Variants in ENTREP2 observed in about 807,000 individuals in gnomAD.
The protein encoded by ENTREP2 is endosomal transmembrane epsin interactor 2, also known as protein ENTREP2.
the ENTREP2 span, among the ~76,000 whole-genome samples, chr15:29,280,525 G>C: frequency 6.6e-6 from 1 of 152,170 alleles, no homozygotes; most frequent in Non-Finnish European, 1.5e-5. Context: ...AGACAGAATG[G>C]ACTCTGTAAC....
At chr15:29,552,904 T>A in the ENTREP2 span, among the ~76,000 whole-genome samples, 4 of 152,126 alleles carry the variant, frequency 2.6e-5, no homozygotes, top group African/African-American at 7.2e-5. Context: ...CTGAACTAGA[T>A]GTGGGCAGAA....
At chr15:29,434,073 C>T in the ENTREP2 span, among the ~76,000 whole-genome samples, 2 of 152,224 alleles carry the variant, frequency 1.3e-5, no homozygotes, top group African/African-American at 4.8e-5. Flanking sequence ...AACGGATGAC[C>T]AAGGAAATCT....
At chr15:29,597,375 C>T in the ENTREP2 span, among the ~76,000 whole-genome samples, 3 of 151,986 alleles carry the variant, frequency 2.0e-5, no homozygotes, top group East Asian at 3.9e-4. Flanking sequence ...TCGAGACCAG[C>T]CTGGCCAACA....
chr15:29,578,273 A>G, the ENTREP2 span, among the ~76,000 whole-genome samples: 1 of 152,194 alleles, frequency 6.6e-6, no homozygotes, highest in Admixed American at 6.5e-5. Context: ...CTGTTCCTCA[A>G]AAATAAACGT....
chr15:29,241,558 AC>A, the ENTREP2 span, among the ~76,000 whole-genome samples: 1 of 152,218 alleles, frequency 6.6e-6, no homozygotes, highest in African/African-American at 2.4e-5. Flanking sequence ...AGAATCTATT[AC>A]TATTTCATTT....
At chr15:29,479,039 CAAA>C in the ENTREP2 span, among the ~76,000 whole-genome samples, 3 of 102,156 alleles carry the variant, frequency 2.9e-5, no homozygotes, top group Non-Finnish European at 5.9e-5. Context: ...CTAAAAAATA[CAAA>C]AAAAAAAAAA....
At chr15:29,387,811 T>C in the ENTREP2 span, among the ~76,000 whole-genome samples, 1 of 151,894 alleles carries the variant, frequency 6.6e-6, no homozygotes, top group African/African-American at 2.4e-5. Flanking sequence ...TCAGAAATAA[T>C]ACCACACATC....
chr15:29,637,566 G>C, the ENTREP2 span, among the ~76,000 whole-genome samples: 5 of 152,272 alleles, frequency 3.3e-5, no homozygotes, highest in East Asian at 9.7e-4. Flanking sequence ...GAGAGAGTGA[G>C]TGTCCTTCCT....
At chr15:29,566,493 G>T in the ENTREP2 span, among the ~76,000 whole-genome samples, 3 of 143,590 alleles carry the variant, frequency 2.1e-5, no homozygotes, top group Non-Finnish European at 4.5e-5. Flanking sequence ...TTTCACTCTT[G>T]TCCCCCAGGC....
the ENTREP2 span, among the ~76,000 whole-genome samples, chr15:29,514,246 C>T: frequency 1.3e-5 from 2 of 152,206 alleles, no homozygotes; most frequent in Admixed American, 6.5e-5. Context: ...TCCCTCCAGC[C>T]CCCGGCAACC....
At chr15:29,489,040 G>C in the ENTREP2 span, among the ~76,000 whole-genome samples, 1 of 152,150 alleles carries the variant, frequency 6.6e-6, no homozygotes, top group Non-Finnish European at 1.5e-5. Flanking sequence ...GACTTTTATA[G>C]AGGGAGTGGT....
At chr15:29,249,823 C>G in the ENTREP2 span, among the ~76,000 whole-genome samples, 4 of 152,076 alleles carry the variant, frequency 2.6e-5, no homozygotes, top group Non-Finnish European at 4.4e-5. Context: ...TGCTTGACTT[C>G]TGGGGAGGCT....
chr15:29,392,838 C>T, the ENTREP2 span, among the ~76,000 whole-genome samples: 4 of 152,126 alleles, frequency 2.6e-5, no homozygotes, highest in Admixed American at 1.3e-4. Flanking sequence ...GTTTTTCTTC[C>T]ACATATTCCC....
the ENTREP2 span, among the ~76,000 whole-genome samples, chr15:29,144,924 C>T: frequency 6.6e-6 from 1 of 152,028 alleles, no homozygotes; most frequent in Non-Finnish European, 1.5e-5. Flanking sequence ...GATGTGGTGG[C>T]ATACATCTGT....
At chr15:29,158,861 G>A in the ENTREP2 span, among the ~76,000 whole-genome samples, 48 of 151,778 alleles carry the variant, frequency 3.2e-4, no homozygotes, top group Admixed American at 3.1e-3. Flanking sequence ...ACAAAAACAA[G>A]AGAAAAAAGT....
the ENTREP2 span, among the ~76,000 whole-genome samples, chr15:29,191,307 G>T: frequency 6.6e-6 from 1 of 152,140 alleles, no homozygotes; most frequent in Non-Finnish European, 1.5e-5. Context: ...GCTTGAGATA[G>T]AATTTAAGGG....
chr15:29,136,156 A>G, the ENTREP2 span, among the ~76,000 whole-genome samples: 1 of 152,226 alleles, frequency 6.6e-6, no homozygotes, highest in Non-Finnish European at 1.5e-5. Flanking sequence ...TCTACAGCAC[A>G]GGGCTGATAA....
At chr15:29,572,212 T>C in the ENTREP2 span, among the ~76,000 whole-genome samples, 1 of 152,074 alleles carries the variant, frequency 6.6e-6, no homozygotes, top group Non-Finnish European at 1.5e-5. Context: ...GAACAGGGGG[T>C]AGGGAATTCC....
the ENTREP2 span, among the ~76,000 whole-genome samples, chr15:29,448,134 CCAA>C: frequency 2.0e-5 from 3 of 151,986 alleles, no homozygotes; most frequent in Non-Finnish European, 4.4e-5. Flanking sequence ...CTTAATAAGC[CCAA>C]CAAGATCTTT....
Sources: gnomAD v4.1 joint callset for allele counts (sites outside exome capture counted in the v4.1 genomes callset) on GRCh38, gnomAD v4.1.1 for gene constraint, MANE v1.5 for transcripts, NCBI Gene and HGNC (gene_info 2026-07-23, HGNC 2026-07-21) for gene names.